DPF3: variants seen among roughly 807,000 people sequenced by gnomAD.
The protein encoded by DPF3 is zinc finger protein DPF3.
Under a neutral mutation model 56.8 loss-of-function variants are expected in DPF3, and 18 were observed. The observed-to-expected ratio is 0.32, with a 90% CI of 0.22 to 0.47. The LOEUF (loss-of-function observed/expected upper bound fraction) is 0.47. DPF3 is among the 20% of genes least tolerant of loss of function. The pLI is 1.00. For missense variants in DPF3, 403 were observed against 488.8 expected (o/e 0.82, Z 1.65); for synonymous variants, 188 against 180.2 (o/e 1.04, Z -0.35).
At chr14:72,824,539 C>T (rs139663420) in intron 1 of DPF3, among the ~76,000 whole-genome samples, 22 of 144,702 alleles carry the variant, frequency 1.5e-4, no homozygotes, top group African/African-American at 4.6e-4. Flanking sequence ...TTTCCATTTA[C>T]GTTTTCTTTT....
chr14:72,714,413 C>G lies in DPF3; in HGVS notation c.604+10G>C. 2.5e-6 allele frequency: 4 copies of G among 1,613,702 alleles called. No individual in the cohort carries two copies. The highest frequency in any genetic ancestry group is 3.4e-6 in the Non-Finnish European group (4 of 1,179,708). ...AGGGAGGAAGGAAGGTGGGACCGGC[C>G]CATACTTACTGTCACAGACGTAAGG... On this transcript the variant is annotated intron_variant, in intron 6 of 10. Coordinates refer to ENST00000556509, the MANE Select transcript of DPF3 (RefSeq NM_001280542.3).
At chr14:72,878,590 A>AAG (rs1886205891) in intron 1 of DPF3, among the ~76,000 whole-genome samples, 5 of 152,174 alleles carry the variant, frequency 3.3e-5, no homozygotes, top group African/African-American at 1.2e-4. Context: ...CAAAAGAAAA[A>AAG]AGAATCCTCC....
intron 2 of DPF3, among the ~76,000 whole-genome samples, chr14:72,760,266 T>C (rs1030731347): frequency 6.6e-6 from 1 of 151,944 alleles, no homozygotes; most frequent in African/African-American, 2.4e-5. Flanking sequence ...AGGTCGGGAG[T>C]TCGAGAACCG....
intron 7 of DPF3, among the ~76,000 whole-genome samples, chr14:72,685,800 C>T (rs371990916): frequency 1.3e-5 from 2 of 152,162 alleles, no homozygotes; most frequent in African/African-American, 4.8e-5. Context: ...TTCAATCCTG[C>T]ACATTTCTAG....
rs1194071952 is a variant in DPF3 at position 72,613,165 on chromosome 14, A to G, written c.*6132T>C. 6.6e-6 allele frequency among the ~76,000 whole-genome samples: 1 copy of G among 152,216 alleles called. No homozygotes were observed. Among genetic ancestry groups the G allele is most frequent in the Non-Finnish European group, 1.5e-5 (1 of 68,036 alleles). On this transcript the variant is annotated 3_prime_UTR_variant, in exon 11 of 11. Coordinates refer to ENST00000556509, the MANE Select transcript of DPF3 (RefSeq NM_001280542.3). ...CAAATGGGATGCAGTGAGTGAAAATATAACCTGGGAGTCTGTAGGGTTGTG... is the reference window on the plus strand; with the variant it reads ...CAAATGGGATGCAGTGAGTGAAAATGTAACCTGGGAGTCTGTAGGGTTGTG...
chr14:72,711,326 T>C (rs529571334), intron 6 of DPF3, among the ~76,000 whole-genome samples: 2 of 152,302 alleles, frequency 1.3e-5, no homozygotes, highest in South Asian at 4.1e-4. Context: ...ATCTTGTATA[T>C]TGAAGTCACA....
intron 1 of DPF3, among the ~76,000 whole-genome samples, chr14:72,867,902 C>T (rs1169370908): frequency 6.6e-6 from 1 of 152,020 alleles, no homozygotes; most frequent in African/African-American, 2.4e-5. Flanking sequence ...CCATGCCTGG[C>T]TATTTTTTTG....
chr14:72,832,755 C>G (rs968243720), intron 1 of DPF3, among the ~76,000 whole-genome samples: 1 of 152,206 alleles, frequency 6.6e-6, no homozygotes, highest in Non-Finnish European at 1.5e-5. Context: ...CCCACACTCA[C>G]CATGTTCTCT....
chr14:72,781,355 C>T (rs1334620019), intron 1 of DPF3, among the ~76,000 whole-genome samples: 1 of 152,200 alleles, frequency 6.6e-6, no homozygotes, highest in Non-Finnish European at 1.5e-5. Flanking sequence ...ACCTTCAAAA[C>T]ATCTCAGGAA....
chr14:72,791,531 G>A (rs1054402771), intron 1 of DPF3, among the ~76,000 whole-genome samples: 10 of 152,214 alleles, frequency 6.6e-5, no homozygotes, highest in African/African-American at 2.4e-4. Context: ...AGAGAGCATC[G>A]GGTCCAATGC....
chr14:72,790,803 T>TC (rs1343303643), intron 1 of DPF3, among the ~76,000 whole-genome samples: 1 of 152,036 alleles, frequency 6.6e-6, no homozygotes, highest in South Asian at 2.1e-4. Flanking sequence ...GCCTTACTTC[T>TC]CCCCCCTCAA....
chr14:72,799,813 C>A (rs1272685231), intron 1 of DPF3, among the ~76,000 whole-genome samples: 1 of 151,958 alleles, frequency 6.6e-6, no homozygotes, highest in Non-Finnish European at 1.5e-5. Context: ...ACAATATATA[C>A]CTGAAGCAGC....
rs1043992619 is a variant in DPF3 at position 72,855,666 on chromosome 14, C to T, written c.32+38391G>A. On this transcript the variant is annotated intron_variant, in intron 1 of 10. Coordinates refer to ENST00000556509, the MANE Select transcript of DPF3 (RefSeq NM_001280542.3). ...TATGAAGCTTAGTTTTATAGGGAGC[C>T]TTTTAACCAAGCCAACCTCAGAGTC... Among the ~76,000 whole-genome samples the T allele has an allele frequency of 2.0e-5, 3 of 151,924 alleles. No homozygotes were observed. In the East Asian group the frequency reaches 5.8e-4, roughly 29 times the overall value.
chr14:72,714,423 T>C lies in DPF3; in HGVS notation c.604A>G (p.Ile202Val). 6.2e-7 allele frequency: 1 copy of C among 1,613,816 alleles called. No individual in the cohort carries two copies. The highest frequency in any genetic ancestry group is 1.3e-5 in the African/African-American group (1 of 75,032). ...GAAGGTGGGACCGGCCCATACTTAC[T>C]GTCACAGACGTAAGGTTTGTCGTGG... is the stretch of plus-strand genomic sequence containing the variant. ...EDHDKPYVCD[I>V]CGKRYKNRPG... is the part of the protein sequence containing the mutation. The change falls in exon 6 of 11, where the codon ATC (isoleucine) becomes GTC (valine). Residue 202 changes from isoleucine (I) to valine (V), a missense_variant and splice_region_variant. Physicochemically the swap from Ile to Val is conservative, Grantham distance 29 (BLOSUM62 3). Around this residue, in one of 2 missense-constraint regions of DPF3, gnomAD observed 340 missense variants for 374.3 expected, o/e 0.91. Transcript: ENST00000556509.
At chr14:72,718,735 CA>C (rs1048909133) in intron 5 of DPF3, among the ~76,000 whole-genome samples, 2 of 138,922 alleles carry the variant, frequency 1.4e-5, no homozygotes, top group African/African-American at 5.4e-5. Context: ...TTCCTGAGAT[CA>C]AAAAAATTGA....
chr14:72,798,073 G>A (rs1892709541), intron 1 of DPF3, among the ~76,000 whole-genome samples: 1 of 151,706 alleles, frequency 6.6e-6, no homozygotes, highest in South Asian at 2.1e-4. Context: ...TGGCTAAAAC[G>A]GTGAAACCCT....
intron 1 of DPF3, among the ~76,000 whole-genome samples, chr14:72,798,478 G>C (rs1247552502): frequency 6.6e-6 from 1 of 152,110 alleles, no homozygotes; most frequent in Non-Finnish European, 1.5e-5. Context: ...AATTATCCTT[G>C]ATAGTGGAGA....
chr14:72,708,347 C>A (rs895743015), intron 6 of DPF3, among the ~76,000 whole-genome samples: 1 of 152,200 alleles, frequency 6.6e-6, no homozygotes, highest in African/African-American at 2.4e-5. Flanking sequence ...CGCACTCAGT[C>A]TCCAGGGATC....
rs12434445 is a variant in DPF3 at position 72,799,832 on chromosome 14, A to C, written c.33-27939T>G. Among the ~76,000 whole-genome samples the C allele has an allele frequency of 5.5e-3, 840 of 152,268 alleles. 5 individuals carry two copies. The highest frequency in any genetic ancestry group is 8.5e-3 in the Non-Finnish European group (581 of 68,028). On this transcript the variant is annotated intron_variant, in intron 1 of 10. Coordinates refer to ENST00000556509, the MANE Select transcript of DPF3 (RefSeq NM_001280542.3). The stretch of plus-strand genomic sequence containing the variant: ...TATATACCTGAAGCAGCTGGGAGCC[A>C]CCCATCAAGCAGGCCTGTTTACAAA...
Sources: allele counts gnomAD v4.1 joint callset (sites outside exome capture counted in the v4.1 genomes callset), GRCh38; gene constraint gnomAD v4.1.1; regional missense constraint gnomAD v4.1.1; transcripts MANE v1.5; gene names NCBI Gene and HGNC (gene_info 2026-07-23, HGNC 2026-07-21).